PCDHA6: variants seen among roughly 807,000 people sequenced by gnomAD.
PCDHA6 encodes the protein protocadherin alpha-6.
Under a neutral mutation model 60.3 loss-of-function variants are expected in PCDHA6, and 55 were observed. That is an observed-to-expected ratio of 0.91 (90% CI 0.73 to 1.14). The LOEUF (loss-of-function observed/expected upper bound fraction) is 1.14. PCDHA6 is among the 50% of genes most tolerant of loss of function. The pLI, the probability that PCDHA6 is intolerant of heterozygous loss-of-function variation, is 0.00. For missense variants in PCDHA6, 1,327 were observed against 1,256.5 expected, an observed-to-expected ratio of 1.06 and a Z score of -0.85; for synonymous variants, 652 against 557.9, an observed-to-expected ratio of 1.17 and a Z score of -2.38.
At chr5:140,873,816 A>G (rs1419963733) in intron 1 of PCDHA6, among the ~76,000 whole-genome samples, 3 of 151,528 alleles carry the variant, frequency 2.0e-5, no homozygotes, top group East Asian at 3.9e-4. Context: ...ATGCACCACC[A>G]CTCCTGGCTA....
At chr5:140,932,338 CACTT>C (rs1448800324) in intron 1 of PCDHA6, among the ~76,000 whole-genome samples, 19 of 151,866 alleles carry the variant, frequency 1.3e-4, no homozygotes, top group Non-Finnish European at 2.2e-4. Flanking sequence ...ATGCATGAAA[CACTT>C]ACCATACAAC....
At chr5:140,923,364 A>C (rs1414879540) in intron 1 of PCDHA6, among the ~76,000 whole-genome samples, 1 of 152,106 alleles carries the variant, frequency 6.6e-6, no homozygotes, top group African/African-American at 2.4e-5. Flanking sequence ...TATCTTTATA[A>C]AATATTTTTA....
At chr5:140,895,660 A>G (rs2065094898) in intron 1 of PCDHA6, among the ~76,000 whole-genome samples, 6 of 152,160 alleles carry the variant, frequency 3.9e-5, no homozygotes, top group Admixed American at 3.9e-4. Context: ...CTTATAAGTG[A>G]GAACATGTAG....
At chr5:140,885,174 A>G (rs568198348) in intron 1 of PCDHA6, among the ~76,000 whole-genome samples, 11 of 152,108 alleles carry the variant, frequency 7.2e-5, no homozygotes, top group African/African-American at 2.6e-4. Context: ...TTTGTCCTCT[A>G]GGCACATCAG....
intron 1 of PCDHA6, among the ~76,000 whole-genome samples, chr5:140,937,259 G>A (rs1306999153): frequency 1.3e-5 from 2 of 151,850 alleles, no homozygotes; most frequent in East Asian, 3.9e-4. Context: ...GGATGGTCTC[G>A]ATCTCCTGAC....
chr5:140,922,700 A>G (rs1447566146), intron 1 of PCDHA6, among the ~76,000 whole-genome samples: 1 of 152,256 alleles, frequency 6.6e-6, no homozygotes, highest in Non-Finnish European at 1.5e-5. Context: ...GCTTCCATAC[A>G]GTCAAGAACA....
At chr5:140,875,241 A>G (rs1176870557) in intron 1 of PCDHA6, 27 of 935,126 alleles carry the variant, frequency 2.9e-5, no homozygotes, top group Non-Finnish European at 3.8e-5. Context: ...TTGTACTTAC[A>G]TAATCAGTCA....
At position 140,843,705 on chromosome 5, in the gene PCDHA6, A is replaced by G. The variant is rs1779053094; in HGVS notation, c.2394+13220A>G. ...GAAGAGCAAGATTTAAATGTTGATC[A>G]TGGCCTCAAAGTAAGTCCATTTAAA... On this transcript the variant is annotated intron_variant, in intron 1 of 3. Transcript: ENST00000529310. 5.7e-6 allele frequency: 9 copies of G among 1,579,940 alleles called. No individual in the cohort carries two copies. The African/African-American group carries it at 6.7e-5, about 12-fold the overall frequency.
intron 3 of PCDHA6, among the ~76,000 whole-genome samples, chr5:141,007,767 G>T (rs1322859075): frequency 6.6e-6 from 1 of 152,142 alleles, no homozygotes; most frequent in African/African-American, 2.4e-5. Context: ...TATTGGCCTG[G>T]AAATGGTACT....
At chr5:140,892,678 A>G (rs1381127232) in intron 1 of PCDHA6, among the ~76,000 whole-genome samples, 2 of 152,216 alleles carry the variant, frequency 1.3e-5, no homozygotes, top group Middle Eastern at 3.2e-3. Context: ...ACATATATAC[A>G]ATGTATAATA....
At chr5:140,876,740 T>G (rs782650836) in intron 1 of PCDHA6, 2 of 1,614,236 alleles carry the variant, frequency 1.2e-6, no homozygotes, top group East Asian at 4.5e-5. Context: ...GCCTATGAGC[T>G]GGTGGTGACT....
chr5:140,920,801 G>A (rs1303863265), intron 1 of PCDHA6, among the ~76,000 whole-genome samples: 2 of 148,716 alleles, frequency 1.3e-5, no homozygotes, highest in Non-Finnish European at 3.0e-5. Context: ...CCAAGATCAC[G>A]CCACTGCACT....
chr5:140,877,558 A>T, intron 1 of PCDHA6: 1 of 1,613,746 alleles, frequency 6.2e-7, no homozygotes, highest in Non-Finnish European at 8.5e-7. Flanking sequence ...TCTGGTGGAT[A>T]TTAACGTGTA....
chr5:140,841,326 A>G (rs2150313603), intron 1 of PCDHA6: 2 of 1,607,682 alleles, frequency 1.2e-6, no homozygotes, highest in South Asian at 2.2e-5. Flanking sequence ...TTTAACATGG[A>G]TTATCACTGG....
chr5:140,927,078 C>T, intron 1 of PCDHA6: 1 of 1,611,014 alleles, frequency 6.2e-7, no homozygotes, highest in Non-Finnish European at 8.5e-7. Context: ...CCAGCCACCG[C>T]GAGCTCTACT....
chr5:140,857,481 C>A (rs1554150087), intron 1 of PCDHA6: 1 of 1,598,530 alleles, frequency 6.3e-7, no homozygotes, highest in East Asian at 2.2e-5. Flanking sequence ...ACGGTGTCTG[C>A]GTGGGACGCG....
At chr5:140,894,793 T>C (rs1269028222) in intron 1 of PCDHA6, among the ~76,000 whole-genome samples, 2 of 152,170 alleles carry the variant, frequency 1.3e-5, no homozygotes, top group Non-Finnish European at 2.9e-5. Flanking sequence ...TGTCCTCTCC[T>C]TTAAAAATAA....
chr5:140,843,046 C>T lies in PCDHA6; in HGVS notation c.2394+12561C>T, dbSNP rs2150350953. ...AGCCTCGGGTGGGTGGCACTGGTGGCGCAGCGAGCAAGCTGGTGCCGCGGT... is the reference window on the plus strand; with the variant it reads ...AGCCTCGGGTGGGTGGCACTGGTGGTGCAGCGAGCAAGCTGGTGCCGCGGT... On this transcript the variant is annotated intron_variant, in intron 1 of 3. Transcript: ENST00000529310. The T allele has an allele frequency of 2.5e-6, 4 of 1,594,998 alleles. 1 individual carries two copies. The highest frequency in any genetic ancestry group is 1.7e-5 in the Admixed American group (1 of 59,286).
In PCDHA6 at chr5:141,011,722, G is replaced by T. The variant is rs1229946779; in HGVS notation, c.*1785G>T. On this transcript the variant is annotated 3_prime_UTR_variant, in exon 4 of 4. Transcript: ENST00000529310. Reference sequence around the variant, plus strand: ...TGAATACTGACAATATTCCATGAGGGTGTGCAAGCACAAATTTTACCAATC... The same window carrying T: ...TGAATACTGACAATATTCCATGAGGTTGTGCAAGCACAAATTTTACCAATC... The T allele has an allele frequency of 6.5e-6, 1 of 153,690 alleles. No homozygotes were observed. The highest frequency in any genetic ancestry group is 1.5e-5 in the Non-Finnish European group (1 of 68,018). 9.5% of individuals were successfully genotyped at this position (153,690 alleles called of 1,614,324 possible).
Sources: allele counts gnomAD v4.1 joint callset (sites outside exome capture counted in the v4.1 genomes callset), GRCh38; gene constraint gnomAD v4.1.1; transcripts MANE v1.5; gene names NCBI Gene and HGNC (gene_info 2026-07-23, HGNC 2026-07-21).